STK33: variants seen among roughly 807,000 people sequenced by gnomAD.
The protein encoded by STK33 is serine/threonine-protein kinase 33.
Under a neutral mutation model 58.0 loss-of-function variants are expected in STK33, and 52 were observed. The ratio of observed to expected loss-of-function variants is 0.90; its 90% CI spans 0.72 to 1.13. The LOEUF (loss-of-function observed/expected upper bound fraction) is 1.13. STK33 is among the 50% of genes most tolerant of loss of function. The pLI, the probability that STK33 is intolerant of heterozygous loss-of-function variation, is 0.00. For missense variants in STK33, 630 were observed against 604.2 expected (o/e 1.04, Z -0.45); for synonymous variants, 215 against 200.1 (o/e 1.07, Z -0.63).
chr11:8,450,535 T>A (rs1289380678), intron 11 of STK33, among the ~76,000 whole-genome samples: 1 of 152,080 alleles, frequency 6.6e-6, no homozygotes, highest in African/African-American at 2.4e-5. Flanking sequence ...TGTACATGTA[T>A]CTTAGAACTT....
intron 1 of STK33, among the ~76,000 whole-genome samples, chr11:8,520,111 C>T (rs558171389): frequency 1.7e-3 from 266 of 152,116 alleles, no homozygotes; most frequent in African/African-American, 6.2e-3. Flanking sequence ...ACTGGCAAAA[C>T]GAATCCAGCA....
At chr11:8,572,622 T>C (rs1443785955) in intron 1 of STK33, among the ~76,000 whole-genome samples, 1 of 152,082 alleles carries the variant, frequency 6.6e-6, no homozygotes, top group Non-Finnish European at 1.5e-5. Flanking sequence ...TCTCACTGCG[T>C]TCCCCAGGCT....
At chr11:8,497,738 A>AG (rs1487608672) in intron 1 of STK33, among the ~76,000 whole-genome samples, 5 of 152,360 alleles carry the variant, frequency 3.3e-5, no homozygotes, top group Admixed American at 6.5e-5. Flanking sequence ...CTGGGATTAC[A>AG]GGCATGAGCC....
At chr11:8,397,592 G>A (rs1206137641) in intron 15 of STK33, among the ~76,000 whole-genome samples, 3 of 152,168 alleles carry the variant, frequency 2.0e-5, no homozygotes, top group Non-Finnish European at 4.4e-5. Flanking sequence ...CTCACCAGCA[G>A]CAGAACAAAG....
chr11:8,508,834 T>C (rs961029948), intron 1 of STK33, among the ~76,000 whole-genome samples: 1 of 152,146 alleles, frequency 6.6e-6, no homozygotes, highest in Non-Finnish European at 1.5e-5. Flanking sequence ...AGGCCACTCA[T>C]GGCCGGGCTC....
intron 1 of STK33, among the ~76,000 whole-genome samples, chr11:8,569,296 T>C (rs879785480): frequency 5.3e-5 from 8 of 152,164 alleles, no homozygotes; most frequent in Non-Finnish European, 1.0e-4. Flanking sequence ...GGTATAAGAA[T>C]AGACAAATCA....
chr11:8,393,640 T>G (rs1848877814), intron 15 of STK33, among the ~76,000 whole-genome samples: 1 of 152,204 alleles, frequency 6.6e-6, no homozygotes, highest in African/African-American at 2.4e-5. Flanking sequence ...CTCACAGGTT[T>G]AATACTCTGG....
chr11:8,532,796 A>G (rs1045306004), intron 1 of STK33, among the ~76,000 whole-genome samples: 2 of 152,232 alleles, frequency 1.3e-5, no homozygotes, highest in African/African-American at 4.8e-5. Context: ...TATAAAATAT[A>G]TAAGGTTTAA....
At position 8,464,745 on chromosome 11, in the gene STK33, TTC is replaced by T. The variant is rs751480284; in HGVS notation, c.415_416del (p.Glu139AsnfsTer6). ...TCACTTTTTTAATTGCCCACTTCGT[TTC>T]TGTTTCCTTGTCTGTCGCTTCAATG... Reference protein sequence around the residue: ...IVIEATDKETETKWAIKKVNK... With the variant: ...IVIEATDKETXTKWAIKKVNK... On this transcript the variant is annotated frameshift_variant, in exon 7 of 16. Transcript: ENST00000687296. LOFTEE classifies it high-confidence loss of function. 7 of 1,613,756 alleles carry T rather than the reference TTC, an allele frequency of 4.3e-6. No individual in the cohort carries two copies. Among genetic ancestry groups the T allele is most frequent in the African/African-American group, 1.3e-5 (1 of 74,892 alleles).
At chr11:8,406,978 A>AT (rs34574969) in intron 15 of STK33, among the ~76,000 whole-genome samples, 17,669 of 148,658 alleles carry the variant, frequency 0.12, 1,244 homozygotes, top group African/African-American at 0.19. Flanking sequence ...GTAGTTTTGG[A>AT]TTTTTTTTTT....
At chr11:8,482,000 C>T (rs558521124) in intron 1 of STK33, among the ~76,000 whole-genome samples, 3 of 152,106 alleles carry the variant, frequency 2.0e-5, no homozygotes, top group African/African-American at 4.8e-5. Context: ...CATAATAAAG[C>T]GTGTAAATCA....
chr11:8,488,349 A>G (rs571078255), intron 1 of STK33, among the ~76,000 whole-genome samples: 1 of 152,272 alleles, frequency 6.6e-6, no homozygotes, highest in East Asian at 1.9e-4. Context: ...AAAAACTCCA[A>G]CATATTCCTA....
intron 1 of STK33, among the ~76,000 whole-genome samples, chr11:8,545,268 C>T (rs1955823235): frequency 6.6e-6 from 1 of 152,118 alleles, no homozygotes; most frequent in African/African-American, 2.4e-5. Flanking sequence ...GAATCAACAA[C>T]CAGTGAGGGT....
the STK33 span, among the ~76,000 whole-genome samples, chr11:8,384,228 A>C: frequency 1.3e-5 from 2 of 152,230 alleles, no homozygotes; most frequent in South Asian, 2.1e-4. Context: ...CCAAGGAATA[A>C]CCAGCCAGTG....
At position 8,474,948 on chromosome 11, in the gene STK33, C is replaced by T. The variant is rs371821656; in HGVS notation, c.-43G>A. The T allele has an allele frequency of 6.6e-7, 1 of 1,525,660 alleles. No individual in the cohort carries two copies. The highest frequency in any genetic ancestry group is 8.8e-7 in the Non-Finnish European group (1 of 1,137,552). The allele number at this position is 1,525,660 out of a possible 1,614,324, so 94.5% of individuals were successfully genotyped here. ...AAAAGCAACTTTAAAAATGTTTCCA[C>T]TGTTTGAGGAAGAAAACCAGGCCAA... On this transcript the variant is annotated 5_prime_UTR_variant, in exon 5 of 16. It adds an upstream start codon to the 5' untranslated region. Coordinates refer to ENST00000687296, the MANE Select transcript of STK33 (RefSeq NM_001352389.2).
the STK33 span, among the ~76,000 whole-genome samples, chr11:8,382,994 T>G: frequency 6.6e-6 from 1 of 152,164 alleles, no homozygotes; most frequent in South Asian, 2.1e-4. Flanking sequence ...TAACCATGCT[T>G]CAGGGACACA....
At chr11:8,395,730 G>C (rs988447683) in intron 15 of STK33, among the ~76,000 whole-genome samples, 1 of 152,050 alleles carries the variant, frequency 6.6e-6, no homozygotes, top group Non-Finnish European at 1.5e-5. Context: ...GAACACTCAG[G>C]TTTGTTTCCA....
chr11:8,464,142 G>T lies in STK33; in HGVS notation c.453+567C>A, dbSNP rs1015092186. 2.0e-5 allele frequency among the ~76,000 whole-genome samples: 3 copies of T among 152,182 alleles called. No homozygotes were observed. The East Asian group carries it at 5.8e-4, about 29-fold the overall frequency. On this transcript the variant is annotated intron_variant, in intron 7 of 15. Coordinates refer to ENST00000687296, the MANE Select transcript of STK33 (RefSeq NM_001352389.2). ...TGAAATGATCAGGTGTAAAGTCTGA[G>T]GTCTTAGATTTTATCGTCAAGAGAA...
the STK33 span, among the ~76,000 whole-genome samples, chr11:8,348,353 G>A: frequency 6.6e-6 from 1 of 152,208 alleles, no homozygotes; most frequent in Non-Finnish European, 1.5e-5. Flanking sequence ...CTTGGCGGAA[G>A]GGGAAGCAAA....
Sources: allele counts gnomAD v4.1 joint callset (sites outside exome capture counted in the v4.1 genomes callset), GRCh38; gene constraint gnomAD v4.1.1; transcripts MANE v1.5; gene names NCBI Gene and HGNC (gene_info 2026-07-23, HGNC 2026-07-21).